Variants in UFSP2 observed in about 807,000 individuals in gnomAD.
The protein encoded by UFSP2 is ufm1-specific protease 2.
UFSP2 carries 43 observed loss-of-function variants against 60.2 expected under a neutral mutation model. The observed-to-expected ratio is 0.71, with a 90% CI of 0.56 to 0.92. The LOEUF is 0.92. Ranked by LOEUF, UFSP2 falls within the 40% of genes least tolerant of loss-of-function variation. UFSP2 has a pLI of 0.00. For missense variants in UFSP2, 520 were observed against 575.0 expected (o/e 0.90, Z 0.98); for synonymous variants, 183 against 195.1 (o/e 0.94, Z 0.52).
Position 185,408,328 on chromosome 4 carries a change from C to T in UFSP2, c.939G>A (p.Trp313Ter). The T allele has an allele frequency of 6.2e-7, 1 of 1,614,174 alleles. No homozygotes were observed. Among genetic ancestry groups the T allele is most frequent in the Non-Finnish European group, 8.5e-7 (1 of 1,180,038 alleles). ...TCTCTGTGTATCCCTGATGTTTGAA[C>T]CAAGAGCAGATAGTCTGCAGAGATC... ...AYRSLQTICS[W>*]FKHQGYTERS... The change falls in exon 8 of 12, where the codon TGG (tryptophan) becomes TGA (stop). Residue 313 changes from tryptophan (W) to a stop codon, truncating the protein, a stop_gained. Coordinates refer to ENST00000264689, the MANE Select transcript of UFSP2 (RefSeq NM_018359.5). LOFTEE classifies it high-confidence loss of function.
chr4:185,424,323 TAAAAC>T (rs2095555154), intron 1 of UFSP2, among the ~76,000 whole-genome samples: 1 of 151,848 alleles, frequency 6.6e-6, no homozygotes, highest in Non-Finnish European at 1.5e-5. Context: ...CAAAATAAAA[TAAAAC>T]AAAAACATGT....
At chr4:185,421,966 A>G (rs1477386741) in intron 2 of UFSP2, among the ~76,000 whole-genome samples, 1 of 152,224 alleles carries the variant, frequency 6.6e-6, no homozygotes, top group Non-Finnish European at 1.5e-5. Context: ...TCTCAAACAC[A>G]GCTCATCCCA....
intron 11 of UFSP2, 35 bp from the exon 12 acceptor site, chr4:185,400,513 CA>C: frequency 6.6e-7 from 1 of 1,509,272 alleles, no homozygotes; most frequent in Non-Finnish European, 9.2e-7. Flanking sequence ...AAGCCTTTTA[CA>C]AAGTTACAAG....
intron 1 of UFSP2, among the ~76,000 whole-genome samples, chr4:185,423,511 C>T (rs1428709005): frequency 1.3e-5 from 2 of 151,932 alleles, no homozygotes; most frequent in African/African-American, 4.8e-5. Flanking sequence ...CTGAAAAACA[C>T]ACAAAGATTC....
intron 5 of UFSP2, 27 bp from the exon 6 acceptor site, chr4:185,415,374 T>C: frequency 1.3e-6 from 2 of 1,518,782 alleles, no homozygotes; most frequent in South Asian, 1.3e-5. Context: ...ATAAGTGTAT[T>C]AACAAAAGTT....
At chr4:185,406,034 A>C in intron 9 of UFSP2, 178 bp from the exon 10 acceptor site, 1 of 1,363,914 alleles carries the variant, frequency 7.3e-7, no homozygotes, top group Non-Finnish European at 1.0e-6. Flanking sequence ...ATTTAAAGCA[A>C]CATAAACTCA....
Position 185,400,367 on chromosome 4 carries a change from C to T in UFSP2, c.*25G>A. ...TTCACAAATTTATAATACCACTCTACTGCAGTCTTTGACTCCAAGATATTT... is the reference window on the plus strand; with the variant it reads ...TTCACAAATTTATAATACCACTCTATTGCAGTCTTTGACTCCAAGATATTT... On this transcript the variant is annotated 3_prime_UTR_variant, in exon 12 of 12. Coordinates refer to ENST00000264689, the MANE Select transcript of UFSP2 (RefSeq NM_018359.5). 1 of 1,514,272 alleles carries T rather than the reference C, an allele frequency of 6.6e-7. No homozygotes were observed. Among genetic ancestry groups the T allele is most frequent in the Non-Finnish European group, 9.2e-7 (1 of 1,091,738 alleles). The allele number at this position is 1,514,272 out of a possible 1,614,324, so 93.8% of individuals were successfully genotyped here. A position where few individuals can be genotyped will look rare whatever the true frequency, so the allele number is the denominator to read the frequency against.
At chr4:185,407,411 T>C (rs1018466873) in intron 9 of UFSP2, among the ~76,000 whole-genome samples, 2 of 152,184 alleles carry the variant, frequency 1.3e-5, no homozygotes, top group Non-Finnish European at 2.9e-5. Context: ...GTTATGGTCA[T>C]AGAAAATAAT....
Position 185,415,316 on chromosome 4 carries a change from T to C in UFSP2, c.523A>G (p.Asn175Asp), listed in dbSNP as rs1180118085. ...VRKLLVDAIHNQLTDMEKCIL... is the reference protein window; with the variant it reads ...VRKLLVDAIHDQLTDMEKCIL... ...CATTTTTCCATGTCAGTTAGTTGAT[T>C]ATGAATTGCATCAACCAGGAGTTTA... Residue 175 changes from asparagine to aspartate, a missense_variant, in exon 6 of 12, where the codon AAT becomes GAT. Transcript: ENST00000264689. The C allele has an allele frequency of 6.3e-7, 1 of 1,596,288 alleles. No individual in the cohort carries two copies. The highest frequency in any genetic ancestry group is 8.5e-7 in the Non-Finnish European group (1 of 1,176,138).
intron 4 of UFSP2, 137 bp downstream of exon 4, chr4:185,418,304 G>T: frequency 1.6e-6 from 1 of 620,692 alleles, no homozygotes; most frequent in Non-Finnish European, 2.6e-6. Context: ...TATAACTTTT[G>T]GCAAGTCATT....
In UFSP2 at chr4:185,425,938, T is replaced by A. The variant is rs10866275; in HGVS notation, c.-70A>T. 1 of 1,553,930 alleles carries A rather than the reference T, an allele frequency of 6.4e-7. No individual in the cohort carries two copies. The highest frequency in any genetic ancestry group is 1.4e-5 in the African/African-American group (1 of 73,690). On this transcript the variant is annotated 5_prime_UTR_variant, in exon 1 of 12. Coordinates refer to ENST00000264689, the MANE Select transcript of UFSP2 (RefSeq NM_018359.5). ...GTTCCGGGGGCCGGCCCTGAAGTGG[T>A]GTCACCGCACGGCCCAGGGGCGGGG... is the stretch of plus-strand genomic sequence containing the variant.
chr4:185,407,017 CTTTTT>C (rs34710879), intron 9 of UFSP2, among the ~76,000 whole-genome samples: 67 of 99,088 alleles, frequency 6.8e-4, no homozygotes, highest in African/African-American at 1.3e-3. Context: ...TTTGGCTTTT[CTTTTT>C]TTTTTTTTTT....
At chr4:185,413,899 AAG>A (rs2095533912) in intron 6 of UFSP2, 27 bp from the exon 7 acceptor site, 3 of 1,564,958 alleles carry the variant, frequency 1.9e-6, no homozygotes, top group Non-Finnish European at 2.6e-6. Context: ...TCAACAGAAA[AAG>A]AAAAAATGTT....
chr4:185,406,003 T>C, intron 9 of UFSP2, 147 bp from the exon 10 acceptor site: 1 of 1,493,360 alleles, frequency 6.7e-7, no homozygotes, highest in Non-Finnish European at 9.0e-7. Flanking sequence ...GTTAGGGAAC[T>C]GAGAGCAATT....
At chr4:185,401,989 C>T (rs1270223415) in intron 11 of UFSP2, among the ~76,000 whole-genome samples, 1 of 152,162 alleles carries the variant, frequency 6.6e-6, no homozygotes, top group African/African-American at 2.4e-5. Flanking sequence ...TGTGTCCTTC[C>T]AGCCTCACCT....
intron 10 of UFSP2, among the ~76,000 whole-genome samples, chr4:185,404,697 T>G (rs547155239): frequency 3.3e-5 from 5 of 152,112 alleles, no homozygotes; most frequent in African/African-American, 1.2e-4. Context: ...GCGATTCTCC[T>G]GTTTCAGCAT....
Position 185,408,412 on chromosome 4 carries a change from A to AT in UFSP2, c.854dup (p.Tyr285Ter). The change falls in exon 8 of 12, where the codon TAT (tyrosine) becomes TAAT (stop). Residue 285 changes from tyrosine (Y) to a stop codon, truncating the protein, a stop_gained and frameshift_variant. Coordinates refer to ENST00000264689, the MANE Select transcript of UFSP2 (RefSeq NM_018359.5). LOFTEE classifies it high-confidence loss of function. ...GATCCTGCATATAATGATGATAGCC[A>AT]TATATGCCCTGGACCACATAAATCT... Reference protein sequence around the residue: ...TGMIYVVQGIYGYHHYMQDRI... With the variant: ...TGMIYVVQGI The AT allele has an allele frequency of 6.2e-7, 1 of 1,614,176 alleles. No individual in the cohort carries two copies. Among genetic ancestry groups the AT allele is most frequent in the Non-Finnish European group, 8.5e-7 (1 of 1,180,030 alleles).
chr4:185,424,224 T>A (rs1378453091), intron 1 of UFSP2, among the ~76,000 whole-genome samples: 1 of 151,844 alleles, frequency 6.6e-6, no homozygotes, highest in African/African-American at 2.4e-5. Flanking sequence ...GAGGACTGCT[T>A]GGGCCGGGGA....
At chr4:185,415,925 G>A in intron 4 of UFSP2, 58 bp from the exon 5 acceptor site, 3 of 1,380,318 alleles carry the variant, frequency 2.2e-6, no homozygotes, top group Admixed American at 2.4e-5. Context: ...AATATAAAGA[G>A]TAAGTAAAAA....
Sources: allele counts gnomAD v4.1 joint callset (sites outside exome capture counted in the v4.1 genomes callset), GRCh38; gene constraint gnomAD v4.1.1; transcripts MANE v1.5; gene names NCBI Gene and HGNC (gene_info 2026-07-23, HGNC 2026-07-21).